KCNMA1: variants seen among roughly 807,000 people sequenced by gnomAD.
KCNMA1 encodes Calcium-activated potassium channel subunit alpha-1.
A neutral mutation model predicts 140.0 loss-of-function variants in KCNMA1; 29 were observed. The ratio of observed to expected loss-of-function variants is 0.21; its 90% CI spans 0.15 to 0.28. The LOEUF (loss-of-function observed/expected upper bound fraction) is 0.28, where lower values mean the gene tolerates loss of function less well. Among genes scored for constraint, KCNMA1 ranks in the 10% least tolerant of loss-of-function variants. The probability of loss-of-function intolerance (pLI) is 1.00; values close to 1 mark genes in which losing one functional copy is unlikely to be tolerated. For missense variants in KCNMA1, 880 were observed against 1,602.2 expected (o/e 0.55, Z 7.70); for synonymous variants, 612 against 611.9 (o/e 1.00, Z 0.00).
chr10:77,201,081 G>A (rs557265816), intron 3 of KCNMA1, among the ~76,000 whole-genome samples: 61 of 152,246 alleles, frequency 4.0e-4, no homozygotes, highest in Admixed American at 7.2e-4. Context: ...ATGAATTCTG[G>A]GGTGTGCAGG....
chr10:76,970,334 A>T, intron 19 of KCNMA1: 2 of 190,418 alleles, frequency 1.1e-5, no homozygotes, highest in Admixed American at 8.9e-5. Context: ...CATAAGAAAA[A>T]AAAAAAAAAA....
rs780582590 is a variant in KCNMA1 at position 77,185,576 on chromosome 10, T to C, written c.603-660A>G. On this transcript the variant is annotated intron_variant, in intron 3 of 27. Coordinates refer to ENST00000286628, the MANE Select transcript of KCNMA1 (RefSeq NM_001161352.2). ...AATTCAGACCATTAAACCAAAAGGT[T>C]GAAGCAGTACTCTAAGGGTTAATTT... 8.3e-4 allele frequency among the ~76,000 whole-genome samples: 126 copies of C among 151,578 alleles called. 1 individual carries two copies. The highest frequency in any genetic ancestry group is 1.6e-3 in the Non-Finnish European group (111 of 67,926).
At chr10:77,570,654 G>A (rs1240286303) in intron 1 of KCNMA1, among the ~76,000 whole-genome samples, 1 of 148,496 alleles carries the variant, frequency 6.7e-6, no homozygotes, top group Non-Finnish European at 1.5e-5. Context: ...GAGTTAGTGG[G>A]TGCAGCGCAC....
chr10:77,025,998 A>AAATATAT (rs370771543), intron 16 of KCNMA1, among the ~76,000 whole-genome samples: 2 of 139,908 alleles, frequency 1.4e-5, no homozygotes, highest in African/African-American at 5.2e-5. Flanking sequence ...AGAAAAAAAA[A>AAATATAT]ATATATATAT....
At chr10:76,952,028 G>A in intron 21 of KCNMA1, 2 of 1,551,610 alleles carry the variant, frequency 1.3e-6, no homozygotes, top group African/African-American at 2.7e-5. Context: ...GATAGAAGTA[G>A]TAACTCACCT....
chr10:77,201,386 G>T (rs1396054678), intron 3 of KCNMA1, among the ~76,000 whole-genome samples: 1 of 152,144 alleles, frequency 6.6e-6, no homozygotes, highest in Non-Finnish European at 1.5e-5. Flanking sequence ...GCTAACACAG[G>T]GAAAAAGAAC....
chr10:77,606,349 T>C (rs1472420372), intron 1 of KCNMA1, among the ~76,000 whole-genome samples: 1 of 152,176 alleles, frequency 6.6e-6, no homozygotes, highest in Non-Finnish European at 1.5e-5. Context: ...AAGGCATCTT[T>C]GGCCAGGCAC....
intron 5 of KCNMA1, among the ~76,000 whole-genome samples, chr10:77,161,433 T>G (rs1056137462): frequency 6.6e-6 from 1 of 151,862 alleles, no homozygotes; most frequent in East Asian, 1.9e-4. Context: ...TTTGTAGGGA[T>G]GGGGTCTCAC....
chr10:77,086,560 G>C lies in KCNMA1; in HGVS notation c.1368C>G (p.Phe456Leu). The C allele has an allele frequency of 6.2e-7, 1 of 1,613,930 alleles. No individual in the cohort carries two copies. Among genetic ancestry groups the C allele is most frequent in the Non-Finnish European group, 8.5e-7 (1 of 1,179,828 alleles). ...ATTCCACCTGAGTAAAATGTCGTTT[G>C]AACAGAGCTTCAAGCTCCAGGTTGG... is the stretch of plus-strand genomic sequence containing the variant. Reference protein sequence around the residue: ...ISPNLELEALFKRHFTQVEFY... With the variant: ...ISPNLELEALLKRHFTQVEFY... The change falls in exon 11 of 28, where the codon TTC becomes TTG. Residue 456 changes from phenylalanine to leucine, a missense_variant. Physicochemically the swap from Phe to Leu is conservative, Grantham distance 22. This residue lies in a region of KCNMA1 where 198 missense variants were observed against 580.1 expected (regional missense o/e 0.34). Coordinates refer to ENST00000286628, the MANE Select transcript of KCNMA1 (RefSeq NM_001161352.2).
At chr10:77,315,100 A>G (rs2080467441) in intron 2 of KCNMA1, among the ~76,000 whole-genome samples, 1 of 152,254 alleles carries the variant, frequency 6.6e-6, no homozygotes, top group Admixed American at 6.5e-5. Flanking sequence ...CATGACCCAC[A>G]GTGACACTGA....
At position 76,885,465 on chromosome 10, in the gene KCNMA1, A is replaced by G; in HGVS notation, c.*1801T>C. 6 of 985,272 alleles carry G rather than the reference A, an allele frequency of 6.1e-6. No homozygotes were observed. The highest frequency in any genetic ancestry group is 1.7e-5 in the African/African-American group (1 of 57,300). 61.0% of individuals were successfully genotyped at this position (985,272 alleles called of 1,614,324 possible). ...TTCTGACTGAGCCTCACCATTTGTCAGTAAAAGTGCTTGTCAATTCACACA... is the reference window on the plus strand; with the variant it reads ...TTCTGACTGAGCCTCACCATTTGTCGGTAAAAGTGCTTGTCAATTCACACA... On this transcript the variant is annotated 3_prime_UTR_variant, in exon 28 of 28. Transcript: ENST00000286628.
intron 23 of KCNMA1, among the ~76,000 whole-genome samples, chr10:76,941,154 G>T: frequency 1.1e-5 from 1 of 87,194 alleles, no homozygotes; most frequent in South Asian, 4.4e-4. Flanking sequence ...GGAAGGGAAG[G>T]GAGGGAAGGG....
At chr10:77,151,678 G>T (rs2098420302) in intron 5 of KCNMA1, among the ~76,000 whole-genome samples, 1 of 152,162 alleles carries the variant, frequency 6.6e-6, no homozygotes, top group South Asian at 2.1e-4. Flanking sequence ...GCACTCAGCT[G>T]ATTAAGATAC....
chr10:77,408,876 C>T (rs1457734633), intron 1 of KCNMA1, among the ~76,000 whole-genome samples: 1 of 152,164 alleles, frequency 6.6e-6, no homozygotes, highest in Non-Finnish European at 1.5e-5. Flanking sequence ...TTGTGTAAAG[C>T]AGGCCACAGC....
intron 5 of KCNMA1, among the ~76,000 whole-genome samples, chr10:77,143,406 T>C (rs1029888517): frequency 4.6e-5 from 7 of 152,092 alleles, no homozygotes; most frequent in Admixed American, 2.0e-4. Context: ...AAAAGACAAG[T>C]TGATTAATGA....
chr10:76,936,822 C>G (rs999260769), intron 23 of KCNMA1, among the ~76,000 whole-genome samples: 13 of 152,104 alleles, frequency 8.5e-5, no homozygotes, highest in African/African-American at 2.9e-4. Flanking sequence ...AAAGCCAGAT[C>G]TGCAGCTGCT....
chr10:77,385,722 A>G (rs1197445505), intron 2 of KCNMA1, among the ~76,000 whole-genome samples: 1 of 152,222 alleles, frequency 6.6e-6, no homozygotes, highest in Non-Finnish European at 1.5e-5. Flanking sequence ...AGAGCAGAAG[A>G]AGGACAGGTT....
intron 1 of KCNMA1, among the ~76,000 whole-genome samples, chr10:77,499,646 C>T (rs745981201): frequency 2.6e-5 from 4 of 151,998 alleles, no homozygotes; most frequent in East Asian, 1.9e-4. Flanking sequence ...GTGCAAAGTG[C>T]GATAAAGCAG....
chr10:77,529,361 C>T (rs927234593), intron 1 of KCNMA1, among the ~76,000 whole-genome samples: 1 of 151,966 alleles, frequency 6.6e-6, no homozygotes, highest in Non-Finnish European at 1.5e-5. Context: ...CAGCCTAGCT[C>T]CTCTCAGCCC....
Sources: allele counts gnomAD v4.1 joint callset (sites outside exome capture counted in the v4.1 genomes callset), GRCh38; gene constraint gnomAD v4.1.1; regional missense constraint gnomAD v4.1.1; transcripts MANE v1.5; gene names NCBI Gene and HGNC (gene_info 2026-07-23, HGNC 2026-07-21).